Variants in ATP6V0E1 observed in about 807,000 individuals in gnomAD.
The protein encoded by ATP6V0E1 is ATPase H+ transporting V0 subunit e1.
Under a neutral mutation model 11.6 loss-of-function variants are expected in ATP6V0E1, and 4 were observed. The ratio of observed to expected loss-of-function variants is 0.35; its 90% confidence interval spans 0.17 to 0.79. The LOEUF (loss-of-function observed/expected upper bound fraction) is 0.79. Among genes scored for constraint, ATP6V0E1 ranks in the 30% least tolerant of loss-of-function variants. The pLI, the probability that ATP6V0E1 is intolerant of heterozygous loss-of-function variation, is 0.54. For missense variants in ATP6V0E1, 105 were observed against 100.0 expected, an observed-to-expected ratio of 1.05 and a Z score of -0.21; for synonymous variants, 36 against 34.8, an observed-to-expected ratio of 1.04 and a Z score of -0.13.
At chr5:172,986,033 G>C (rs1371119910) in intron 1 of ATP6V0E1, among the ~76,000 whole-genome samples, 2 of 152,134 alleles carry the variant, frequency 1.3e-5, no homozygotes, top group African/African-American at 4.8e-5. Context: ...ACATAGAAAA[G>C]GTACAGTAAA....
At chr5:173,023,781 G>A (rs1319644979) in intron 3 of ATP6V0E1, among the ~76,000 whole-genome samples, 1 of 152,184 alleles carries the variant, frequency 6.6e-6, no homozygotes, top group Non-Finnish European at 1.5e-5. Flanking sequence ...GGAGGTGGAA[G>A]TTGTAGTGAG....
At chr5:173,023,938 C>T (rs188498978) in intron 3 of ATP6V0E1, among the ~76,000 whole-genome samples, 7 of 152,190 alleles carry the variant, frequency 4.6e-5, no homozygotes, top group Admixed American at 2.6e-4. Flanking sequence ...TGGCTCACCC[C>T]TCTAATCCCA....
intron 2 of ATP6V0E1, among the ~76,000 whole-genome samples, chr5:173,002,843 G>A (rs1756178997): frequency 1.3e-5 from 2 of 152,074 alleles, no homozygotes; most frequent in Non-Finnish European, 2.9e-5. Flanking sequence ...CAGCCATAGG[G>A]AAATTGGAGG....
intron 1 of ATP6V0E1, among the ~76,000 whole-genome samples, chr5:172,990,833 T>TTA (rs1755968173): frequency 1.5e-5 from 2 of 137,358 alleles, no homozygotes; most frequent in African/African-American, 5.3e-5. Context: ...TCTCAAAAAT[T>TTA]AAAAAAAAAA....
intron 2 of ATP6V0E1, among the ~76,000 whole-genome samples, chr5:173,000,701 A>AT (rs34202828): frequency 0.026 from 3,707 of 139,970 alleles, 59 homozygotes; most frequent in South Asian, 0.043. Context: ...ATTATCAGTG[A>AT]TTTTTTTTTT....
chr5:173,032,973 A>G (rs1481243606), intron 3 of ATP6V0E1, among the ~76,000 whole-genome samples: 2 of 152,162 alleles, frequency 1.3e-5, no homozygotes, highest in African/African-American at 2.4e-5. Context: ...GCGTGGGCCT[A>G]TAGTCCCAGC....
chr5:173,019,023 A>G (rs1218783059), intron 2 of ATP6V0E1, among the ~76,000 whole-genome samples: 1 of 152,124 alleles, frequency 6.6e-6, no homozygotes, highest in Non-Finnish European at 1.5e-5. Context: ...TGATGTAACT[A>G]TAGCACTGCA....
At chr5:172,989,711 A>G (rs1313391359) in intron 1 of ATP6V0E1, among the ~76,000 whole-genome samples, 1 of 151,928 alleles carries the variant, frequency 6.6e-6, no homozygotes, top group Non-Finnish European at 1.5e-5. Context: ...ATTTTTTAGT[A>G]GAGATGGGGT....
intron 2 of ATP6V0E1, among the ~76,000 whole-genome samples, chr5:173,002,531 A>G (rs1004082541): frequency 1.3e-5 from 2 of 152,200 alleles, no homozygotes; most frequent in African/African-American, 4.8e-5. Context: ...CCATATCTAG[A>G]GGCTGATCAG....
intron 2 of ATP6V0E1, among the ~76,000 whole-genome samples, chr5:173,011,979 TA>T (rs1303862783): frequency 6.6e-6 from 1 of 151,946 alleles, no homozygotes; most frequent in African/African-American, 2.4e-5. Flanking sequence ...CTCAGCGGGT[TA>T]GGGGGGTAAA....
chr5:172,998,456 T>G (rs2113587262), intron 2 of ATP6V0E1, among the ~76,000 whole-genome samples: 1 of 151,708 alleles, frequency 6.6e-6, no homozygotes, highest in East Asian at 1.9e-4. Flanking sequence ...AAAAAAATTT[T>G]TAAAATTAGC....
At chr5:173,023,069 T>C (rs1255763937) in intron 3 of ATP6V0E1, among the ~76,000 whole-genome samples, 1 of 152,014 alleles carries the variant, frequency 6.6e-6, no homozygotes, top group Non-Finnish European at 1.5e-5. Flanking sequence ...CTTGCCTAAG[T>C]TGGTCTCAAA....
chr5:173,024,197 C>CAAAAA (rs56837002), intron 3 of ATP6V0E1, among the ~76,000 whole-genome samples: 13 of 73,196 alleles, frequency 1.8e-4, no homozygotes, highest in African/African-American at 4.9e-4. Flanking sequence ...GACTCCGTCT[C>CAAAAA]AAAAAAAAAA....
At chr5:173,012,952 C>A (rs954171537) in intron 2 of ATP6V0E1, among the ~76,000 whole-genome samples, 1 of 151,884 alleles carries the variant, frequency 6.6e-6, no homozygotes, top group Admixed American at 6.6e-5. Flanking sequence ...GTGGGAGGAT[C>A]AGTTGAGCCC....
chr5:173,023,938 C>A (rs188498978), intron 3 of ATP6V0E1, among the ~76,000 whole-genome samples: 1 of 152,072 alleles, frequency 6.6e-6, no homozygotes, highest in Non-Finnish European at 1.5e-5. Context: ...TGGCTCACCC[C>A]TCTAATCCCA....
chr5:172,992,225 G>C (rs1755994980), intron 1 of ATP6V0E1, among the ~76,000 whole-genome samples: 1 of 152,016 alleles, frequency 6.6e-6, no homozygotes, highest in African/African-American at 2.4e-5. Flanking sequence ...TAATTTTTTT[G>C]TATTTTCAGT....
chr5:173,027,936 A>G (rs1017003247), intron 3 of ATP6V0E1, among the ~76,000 whole-genome samples: 1 of 152,074 alleles, frequency 6.6e-6, no homozygotes, highest in Non-Finnish European at 1.5e-5. Context: ...ATTTCCTTCC[A>G]TGATAATGAG....
intron 2 of ATP6V0E1, among the ~76,000 whole-genome samples, chr5:172,999,794 C>G (rs561010066): frequency 2.6e-4 from 40 of 152,124 alleles, no homozygotes; most frequent in Non-Finnish European, 4.4e-4. Flanking sequence ...CACAGTGTTC[C>G]AACATTAAAT....
Position 172,983,774 on chromosome 5 carries a change from C to T in ATP6V0E1, c.-87C>T. On this transcript the variant is annotated 5_prime_UTR_variant, in exon 1 of 4. Coordinates refer to ENST00000519374, the MANE Select transcript of ATP6V0E1 (RefSeq NM_003945.4). ...GGGGGCGCGGGAGGCGGGGCTTGCACACGCTGGTCACGCGGTCAGCTATTG... is the reference window on the plus strand; with the variant it reads ...GGGGGCGCGGGAGGCGGGGCTTGCATACGCTGGTCACGCGGTCAGCTATTG... 7.4e-7 allele frequency: 1 copy of T among 1,347,874 alleles called. No homozygotes were observed. The highest frequency in any genetic ancestry group is 1.1e-6 in the Non-Finnish European group (1 of 949,314). The allele number at this position is 1,347,874 out of a possible 1,614,324, so 83.5% of individuals were successfully genotyped here.
Sources: allele counts gnomAD v4.1 joint callset (sites outside exome capture counted in the v4.1 genomes callset), GRCh38; gene constraint gnomAD v4.1.1; transcripts MANE v1.5; gene names NCBI Gene and HGNC (gene_info 2026-07-23, HGNC 2026-07-21).